Variants in AKAP6 observed in about 807,000 individuals in gnomAD.
AKAP6 encodes the protein A-kinase anchor protein 6.
A neutral mutation model predicts 188.5 loss-of-function variants in AKAP6; 58 were observed. The observed-to-expected ratio is 0.31, with a 90% confidence interval of 0.25 to 0.38. AKAP6 has a LOEUF of 0.38. AKAP6 is among the 10% of genes least tolerant of loss of function. The probability of loss-of-function intolerance (pLI) is 1.00; values close to 1 mark genes in which losing one functional copy is unlikely to be tolerated. For synonymous variants in AKAP6, 989 were observed against 998.6 expected, an observed-to-expected ratio of 0.99 and a Z score of 0.18; for missense variants, 2,710 against 2,740.0, an observed-to-expected ratio of 0.99 and a Z score of 0.24.
rs781187567 is a variant in AKAP6, at chr14:32,695,951, C to T, written c.2880-39C>T. ...CTAATATAAGATTTTAACAACTACA[C>T]TGTATTTATGCATACTACATTTTGC... On this transcript the variant is annotated intron_variant, in intron 8 of 13. Coordinates refer to ENST00000280979, the MANE Select transcript of AKAP6 (RefSeq NM_004274.5). The T allele has an allele frequency of 1.8e-5, 29 of 1,585,930 alleles. No homozygotes were observed. In the East Asian group the frequency reaches 6.4e-4, roughly 35 times the overall value.
At chr14:32,790,372 C>T (rs1056186638) in intron 12 of AKAP6, among the ~76,000 whole-genome samples, 2 of 152,018 alleles carry the variant, frequency 1.3e-5, no homozygotes, top group Non-Finnish European at 2.9e-5. Flanking sequence ...ATGCAGAGAA[C>T]CCCAGTAAGA....
chr14:32,786,296 A>ATGTTTTTTTTTT, intron 12 of AKAP6, among the ~76,000 whole-genome samples: 1,812 of 93,494 alleles, frequency 0.019, 427 homozygotes, highest in Non-Finnish European at 0.023. Context: ...CTAAACCTTT[A>ATGTTTTTTTTTT]TCTTTTTTTT....
intron 12 of AKAP6, among the ~76,000 whole-genome samples, chr14:32,790,894 C>T (rs2033588382): frequency 6.6e-6 from 1 of 152,116 alleles, no homozygotes; most frequent in Non-Finnish European, 1.5e-5. Context: ...CTGTGTTAGT[C>T]TGCTGAGAGT....
chr14:32,545,380 A>G lies in AKAP6; in HGVS notation c.727A>G (p.Met243Val), dbSNP rs1410946858. The change falls in exon 4 of 14, where the codon ATG becomes GTG. Residue 243 changes from methionine (M) to valine (V), a missense_variant. Physicochemically the swap from Met to Val is conservative, Grantham distance 21 (BLOSUM62 1). Transcript: ENST00000280979. Reference protein sequence around the residue: ...SEDLLSGLGDMTSSQVKTKPF... With the variant: ...SEDLLSGLGDVTSSQVKTKPF... ...GGATTTGCTCAGTGGGCTAGGTGAC[A>G]TGACCTCTAGCCAAGTCAAAACCAA... 3.7e-6 allele frequency: 6 copies of G among 1,614,102 alleles called. No individual in the cohort carries two copies. In the African/African-American group the frequency reaches 4.0e-5, roughly 11 times the overall value.
intron 11 of AKAP6, among the ~76,000 whole-genome samples, chr14:32,752,951 A>G (rs1332256811): frequency 1.3e-5 from 2 of 152,082 alleles, no homozygotes; most frequent in African/African-American, 4.8e-5. Context: ...CATTTTCTAT[A>G]TCCATTGATC....
chr14:32,586,628 C>CA (rs1885263705), intron 5 of AKAP6, among the ~76,000 whole-genome samples: 1 of 152,098 alleles, frequency 6.6e-6, no homozygotes, highest in Admixed American at 6.5e-5. Context: ...GAGACTGTCT[C>CA]AAAAAACACA....
At chr14:32,347,902 A>G (rs1336644482) in intron 1 of AKAP6, among the ~76,000 whole-genome samples, 2 of 152,240 alleles carry the variant, frequency 1.3e-5, no homozygotes, top group African/African-American at 4.8e-5. Context: ...TATCAGATTT[A>G]TGAGGCTTTG....
At chr14:32,399,381 C>G (rs1386571632) in intron 1 of AKAP6, among the ~76,000 whole-genome samples, 1 of 152,116 alleles carries the variant, frequency 6.6e-6, no homozygotes, top group Non-Finnish European at 1.5e-5. Context: ...TTCTGCAGAT[C>G]AAGAGGTTTC....
intron 11 of AKAP6, among the ~76,000 whole-genome samples, chr14:32,738,394 C>T (rs2031531011): frequency 6.6e-6 from 1 of 152,128 alleles, no homozygotes; most frequent in South Asian, 2.1e-4. Flanking sequence ...CGAGGAAGAG[C>T]AAGTTTAGAC....
At chr14:32,420,909 TTGTG>T (rs71432053) in intron 1 of AKAP6, among the ~76,000 whole-genome samples, 10 of 146,520 alleles carry the variant, frequency 6.8e-5, no homozygotes, top group Admixed American at 2.7e-4. Context: ...GGAGATTGAT[TTGTG>T]TGTGTGTGTG....
intron 1 of AKAP6, among the ~76,000 whole-genome samples, chr14:32,348,417 C>T (rs868751460): frequency 0.069 from 8,670 of 125,736 alleles, 444 homozygotes; most frequent in African/African-American, 0.086. Flanking sequence ...TCTTTTGTTT[C>T]TTTTTTTTTT....
intron 1 of AKAP6, among the ~76,000 whole-genome samples, chr14:32,382,072 T>G (rs1888381104): frequency 6.6e-6 from 1 of 152,212 alleles, no homozygotes; most frequent in Non-Finnish European, 1.5e-5. Context: ...AAAAGGGGAT[T>G]AGTAATACCT....
chr14:32,771,751 T>C (rs552396183), intron 11 of AKAP6, among the ~76,000 whole-genome samples: 5 of 152,366 alleles, frequency 3.3e-5, no homozygotes, highest in African/African-American at 1.2e-4. Flanking sequence ...ACAGTTATTA[T>C]GCTAGTTAAC....
rs869293218 is a variant in AKAP6 at position 32,510,427 on chromosome 14, T to TATATATATGTGTATATATATATAC, written c.325-25103_325-25080dup. On this transcript the variant is annotated intron_variant, in intron 2 of 13. Coordinates refer to ENST00000280979, the MANE Select transcript of AKAP6 (RefSeq NM_004274.5). ...ATGTATATATATGTATATATATACA[T>TATATATATGTGTATATATATATAC]ATATATATGTGTATATATATATACA... is the stretch of plus-strand genomic sequence containing the variant. 1.1e-4 allele frequency among the ~76,000 whole-genome samples: 9 copies of TATATATATGTGTATATATATATAC among 80,746 alleles called. No individual in the cohort carries two copies. In the South Asian group the frequency reaches 1.8e-3, roughly 16 times the overall value. The allele number at this position is 80,746 out of a possible 152,430, so 53.0% of individuals were successfully genotyped here. A position where few individuals can be genotyped will look rare whatever the true frequency, so the allele number is the denominator to read the frequency against.
intron 4 of AKAP6, among the ~76,000 whole-genome samples, chr14:32,572,991 TA>T (rs1287250965): frequency 6.6e-6 from 1 of 151,992 alleles, no homozygotes; most frequent in African/African-American, 2.4e-5. Flanking sequence ...AAAGCCTGTA[TA>T]AAATAGGAGC....
intron 7 of AKAP6, among the ~76,000 whole-genome samples, chr14:32,669,776 C>T (rs982253536): frequency 2.6e-5 from 4 of 152,110 alleles, no homozygotes; most frequent in African/African-American, 4.8e-5. Flanking sequence ...CTTCACATGG[C>T]GGCAGCAAGA....
In AKAP6 at chr14:32,546,031, C is replaced by T. The variant is rs142519432; in HGVS notation, c.1378C>T (p.His460Tyr). The T allele has an allele frequency of 5.9e-4, 946 of 1,614,032 alleles. 1 individual carries two copies. The highest frequency in any genetic ancestry group is 7.7e-4 in the Non-Finnish European group (914 of 1,180,026). The change falls in exon 4 of 14, where the codon CAC becomes TAC. Residue 460 changes from histidine (H) to tyrosine (Y), a missense_variant. Transcript: ENST00000280979. The stretch of plus-strand genomic sequence containing the variant: ...TGCCAGCCAGTCTTATGAGTGTTTA[C>T]ACAAGGTGGGGAATGGGAACCTTGA... ...SAASQSYECL[H>Y]KVGNGNLENT...
At chr14:32,609,669 C>G (rs1886267555) in intron 7 of AKAP6, among the ~76,000 whole-genome samples, 1 of 151,984 alleles carries the variant, frequency 6.6e-6, no homozygotes, top group Non-Finnish European at 1.5e-5. Flanking sequence ...TAAATCAAGA[C>G]ACTAAGACAA....
chr14:32,804,821 G>A (rs369401714), intron 12 of AKAP6, among the ~76,000 whole-genome samples: 9 of 152,068 alleles, frequency 5.9e-5, no homozygotes, highest in African/African-American at 2.2e-4. Context: ...TCCTTTCCCA[G>A]GGTATTAATA....
Sources: gnomAD v4.1 joint callset for allele counts (sites outside exome capture counted in the v4.1 genomes callset) on GRCh38, gnomAD v4.1.1 for gene constraint, MANE v1.5 for transcripts, NCBI Gene and HGNC (gene_info 2026-07-23, HGNC 2026-07-21) for gene names.